Variants in TACC2 observed in about 807,000 individuals in gnomAD.
TACC2 encodes the protein transforming acidic coiled-coil-containing protein 2.
In TACC2, 137 loss-of-function variants were observed where a neutral mutation model predicts 227.3. That is an observed-to-expected ratio of 0.60 (90% CI 0.52 to 0.69). The LOEUF is 0.69. Ranked by LOEUF, TACC2 falls within the 30% of genes least tolerant of loss-of-function variation. The probability of loss-of-function intolerance (pLI) is 0.00; values close to 1 mark genes in which losing one functional copy is unlikely to be tolerated. For synonymous variants in TACC2, 1,523 were observed against 1,487.5 expected, an observed-to-expected ratio of 1.02 and a Z score of -0.55; for missense variants, 3,470 against 3,694.4, an observed-to-expected ratio of 0.94 and a Z score of 1.57.
chr10:122,021,096 G>T (rs1957276965), intron 1 of TACC2, among the ~76,000 whole-genome samples: 1 of 152,092 alleles, frequency 6.6e-6, no homozygotes, highest in African/African-American at 2.4e-5. Context: ...CAGGTGTGGT[G>T]GCGGGCGTCT....
intron 7 of TACC2, among the ~76,000 whole-genome samples, chr10:122,159,431 A>G (rs2092689451): frequency 6.6e-6 from 1 of 152,186 alleles, no homozygotes; most frequent in Non-Finnish European, 1.5e-5. Flanking sequence ...TCCTGTTGAC[A>G]TGTGGGTGCT....
chr10:122,103,855 C>T (rs1029263795), intron 5 of TACC2, among the ~76,000 whole-genome samples: 4 of 152,154 alleles, frequency 2.6e-5, no homozygotes, highest in Non-Finnish European at 4.4e-5. Context: ...GAGGCCCAGC[C>T]GACCAGCTGC....
At chr10:122,023,301 A>T (rs546159536) in intron 2 of TACC2, 5 of 152,190 alleles carry the variant, frequency 3.3e-5, no homozygotes, top group Non-Finnish European at 5.9e-5. Flanking sequence ...AACTGCTGGG[A>T]TTACAGGCAT....
At chr10:122,146,347 C>T (rs150795745) in intron 7 of TACC2, among the ~76,000 whole-genome samples, 4 of 152,098 alleles carry the variant, frequency 2.6e-5, no homozygotes, top group African/African-American at 9.6e-5. Context: ...TCTATAGTTG[C>T]TGTGGTTTGA....
At position 122,164,802 on chromosome 10, in the gene TACC2, T is replaced by C. The variant is rs183950004; in HGVS notation, c.5834+21096T>C. On this transcript the variant is annotated intron_variant, in intron 7 of 22. Coordinates refer to ENST00000369005, the MANE Select transcript of TACC2 (RefSeq NM_206862.4). ...CTCCCAGCCTCACCTGCCCCCACTT[T>C]TCCAGAGAGAAGACTATGTTTCAGA... Among the ~76,000 whole-genome samples the C allele has an allele frequency of 9.6e-4, 146 of 152,278 alleles. 1 individual carries two copies. Among genetic ancestry groups the C allele is most frequent in the African/African-American group, 3.4e-3 (143 of 41,548 alleles).
chr10:122,079,348 T>C (rs1479261513), intron 3 of TACC2, among the ~76,000 whole-genome samples: 1 of 152,178 alleles, frequency 6.6e-6, no homozygotes, highest in Non-Finnish European at 1.5e-5. Flanking sequence ...GTCAGCCCAC[T>C]CGGGCCAGGG....
At chr10:122,067,919 A>T (rs954452595) in intron 3 of TACC2, among the ~76,000 whole-genome samples, 4 of 152,170 alleles carry the variant, frequency 2.6e-5, no homozygotes, top group Admixed American at 6.5e-5. Context: ...AATATTTTGT[A>T]TCTCCCCTCC....
chr10:122,155,498 G>A, intron 7 of TACC2, among the ~76,000 whole-genome samples: 1 of 152,174 alleles, frequency 6.6e-6, no homozygotes, highest in East Asian at 1.9e-4. Flanking sequence ...AATAGTTTCC[G>A]GAGAAGAAAG....
intron 7 of TACC2, among the ~76,000 whole-genome samples, chr10:122,154,189 C>G (rs1035273668): frequency 7.2e-5 from 11 of 152,248 alleles, no homozygotes; most frequent in African/African-American, 2.4e-4. Flanking sequence ...TTCATATGCT[C>G]ATAGTTATTG....
intron 3 of TACC2, among the ~76,000 whole-genome samples, chr10:122,077,934 C>G (rs775987151): frequency 3.3e-5 from 5 of 152,068 alleles, no homozygotes; most frequent in Non-Finnish European, 7.4e-5. Flanking sequence ...GTGGCTCACT[C>G]CTGTAATCCC....
At chr10:122,048,795 T>G (rs2075348379) in intron 2 of TACC2, among the ~76,000 whole-genome samples, 1 of 152,220 alleles carries the variant, frequency 6.6e-6, no homozygotes, top group Non-Finnish European at 1.5e-5. Flanking sequence ...TTGCACCATC[T>G]GCTAGATTTA....
chr10:122,062,063 C>T (rs1385474491), intron 3 of TACC2, among the ~76,000 whole-genome samples: 5 of 120,450 alleles, frequency 4.2e-5, no homozygotes, highest in South Asian at 3.1e-4. Context: ...GACGGAGTCT[C>T]GCTCTGTCAC....
In TACC2 at chr10:122,152,999, C is replaced by CTTTCTTTTTTTTTTTTTTTTTT. The variant is rs71026005; in HGVS notation, c.5834+9296_5834+9297insCTTTTTTTTTTTTTTTTTTTTT. On this transcript the variant is annotated intron_variant, in intron 7 of 22. Transcript: ENST00000369005. ...GCTTTTGATATATATTTCTTTCTTTCTTTTTTTTTTGAGACGGAGTCTCAC... is the reference window on the plus strand; with the variant it reads ...GCTTTTGATATATATTTCTTTCTTTCTTTCTTTTTTTTTTTTTTTTTTTTTTTTTTTTGAGACGGAGTCTCAC... 1.1e-4 allele frequency among the ~76,000 whole-genome samples: 15 copies of CTTTCTTTTTTTTTTTTTTTTTT among 135,030 alleles called. 1 individual carries two copies. The highest frequency in any genetic ancestry group is 2.4e-4 in the South Asian group (1 of 4,242). The allele number at this position is 135,030 out of a possible 152,430, so 88.6% of individuals were successfully genotyped here.
chr10:122,187,458 A>G (rs952232562), intron 7 of TACC2, among the ~76,000 whole-genome samples: 13 of 152,166 alleles, frequency 8.5e-5, no homozygotes, highest in African/African-American at 3.1e-4. Context: ...TCTGCTTGCT[A>G]GCAGAATTAC....
chr10:122,117,490 C>A (rs188968774), intron 5 of TACC2, among the ~76,000 whole-genome samples: 5 of 152,302 alleles, frequency 3.3e-5, no homozygotes, highest in South Asian at 2.1e-4. Flanking sequence ...CCACCGCACC[C>A]AGCTGCCACC....
chr10:122,080,430 C>T (rs1038386430), intron 3 of TACC2, among the ~76,000 whole-genome samples: 26 of 151,922 alleles, frequency 1.7e-4, no homozygotes, highest in Admixed American at 1.0e-3. Context: ...GATGGAGTTT[C>T]GCCATGTTGC....
chr10:122,073,126 A>AAAAAAAT lies in TACC2; in HGVS notation c.147-9520_147-9519insAAAAATA, dbSNP rs1383487943. Among the ~76,000 whole-genome samples, 36 of 71,002 alleles carry AAAAAAAT rather than the reference A, an allele frequency of 5.1e-4. 1 individual carries two copies. The highest frequency in any genetic ancestry group is 1.6e-3 in the South Asian group (3 of 1,858). The allele number at this position is 71,002 out of a possible 152,430, so 46.6% of individuals were successfully genotyped here. Reference sequence around the variant, plus strand: ...TGTCTCAAAAAAAAAAAAAAAAAAAAATATATATATATATATATATATATA... The same window carrying AAAAAAAT: ...TGTCTCAAAAAAAAAAAAAAAAAAAAAAAAAATATATATATATATATATATATATATA... On this transcript the variant is annotated intron_variant, in intron 3 of 22. Coordinates refer to ENST00000369005, the MANE Select transcript of TACC2 (RefSeq NM_206862.4).
chr10:122,011,339 T>G (rs1350722713), intron 1 of TACC2, among the ~76,000 whole-genome samples: 1 of 152,104 alleles, frequency 6.6e-6, no homozygotes, highest in Non-Finnish European at 1.5e-5. Context: ...TTGTTTTTGT[T>G]TTTTGTTTTA....
At chr10:122,069,248 T>TA (rs1565204123) in intron 3 of TACC2, among the ~76,000 whole-genome samples, 1 of 150,290 alleles carries the variant, frequency 6.7e-6, no homozygotes, top group African/African-American at 2.5e-5. Flanking sequence ...TTATTTATTT[T>TA]TTTTTTTTTT....
Sources: gnomAD v4.1 joint callset for allele counts (sites outside exome capture counted in the v4.1 genomes callset) on GRCh38, gnomAD v4.1.1 for gene constraint, MANE v1.5 for transcripts, NCBI Gene and HGNC (gene_info 2026-07-23, HGNC 2026-07-21) for gene names.